Variants in ZNF503 observed in about 807,000 individuals in gnomAD.
ZNF503 encodes NocA-like zinc finger 2.
In ZNF503, 15 loss-of-function variants were observed where a neutral mutation model predicts 34.4. That is an observed-to-expected ratio of 0.44 (90% CI 0.29 to 0.67). The LOEUF (loss-of-function observed/expected upper bound fraction) is 0.67. Among genes scored for constraint, ZNF503 ranks in the 30% least tolerant of loss-of-function variants. The pLI is 0.13. For missense variants in ZNF503, 1,007 were observed against 926.8 expected (o/e 1.09, Z -1.12); for synonymous variants, 580 against 456.8 (o/e 1.27, Z -3.44).
chr10:75,332,629 G>A, the ZNF503 span, among the ~76,000 whole-genome samples: 16 of 145,278 alleles, frequency 1.1e-4, no homozygotes, highest in African/African-American at 3.1e-4. Flanking sequence ...GCGGCCTTCC[G>A]CAGTGTTTGT....
At chr10:75,397,675 A>T (rs192555751), downstream of ZNF503, among the ~76,000 whole-genome samples, 2 of 152,372 alleles carry the variant, frequency 1.3e-5, no homozygotes, top group African/African-American at 4.8e-5. Context: ...CGCGGCTGGT[A>T]GCCCCTTCCG....
the ZNF503 span, among the ~76,000 whole-genome samples, chr10:75,300,121 C>T: frequency 6.6e-6 from 1 of 152,148 alleles, no homozygotes; most frequent in Non-Finnish European, 1.5e-5. Context: ...CCCAAGGGGG[C>T]CATTTTAGAG....
the ZNF503 span, among the ~76,000 whole-genome samples, chr10:75,287,856 G>A: frequency 6.6e-6 from 1 of 152,232 alleles, no homozygotes; most frequent in Non-Finnish European, 1.5e-5. Context: ...CCTCAGGAAG[G>A]ACTCCAGTTG....
At chr10:75,395,400 G>T (rs1179319742), downstream of ZNF503, among the ~76,000 whole-genome samples, 1 of 152,226 alleles carries the variant, frequency 6.6e-6, no homozygotes, top group Non-Finnish European at 1.5e-5. The surrounding 1 kb of genome is among the most constrained non-coding windows in gnomAD (Gnocchi z 4.4). Flanking sequence ...AAGTGGAAGC[G>T]CGGGGCCTCG....
the ZNF503 span, among the ~76,000 whole-genome samples, chr10:75,327,419 T>C: frequency 0.25 from 37,926 of 152,204 alleles, 5,750 homozygotes; most frequent in African/African-American, 0.42. Flanking sequence ...CGTGTTGCCA[T>C]GAAAAACAGG....
downstream of ZNF503, among the ~76,000 whole-genome samples, chr10:75,397,086 G>C (rs984451375): frequency 6.6e-6 from 1 of 152,144 alleles, no homozygotes; most frequent in Non-Finnish European, 1.5e-5. Flanking sequence ...CCGGGTCCTG[G>C]CCGGGCGGGC....
chr10:75,362,252 G>T, the ZNF503 span, among the ~76,000 whole-genome samples: 1 of 151,884 alleles, frequency 6.6e-6, no homozygotes, highest in Admixed American at 6.6e-5. Context: ...TGCAGCTCTG[G>T]TTAGGGGTGG....
the ZNF503 span, among the ~76,000 whole-genome samples, chr10:75,354,884 C>T: frequency 1.3e-5 from 2 of 152,120 alleles, no homozygotes; most frequent in Admixed American, 6.5e-5. Flanking sequence ...CTCACTCTAT[C>T]GCCCAGGCTG....
the ZNF503 span, among the ~76,000 whole-genome samples, chr10:75,349,738 C>A: frequency 6.6e-6 from 1 of 152,224 alleles, no homozygotes; most frequent in Non-Finnish European, 1.5e-5. Flanking sequence ...TGCCTGGAGG[C>A]AGGGCCTCCA....
the ZNF503 span, among the ~76,000 whole-genome samples, chr10:75,312,598 T>C: frequency 6.6e-6 from 1 of 152,200 alleles, no homozygotes; most frequent in Non-Finnish European, 1.5e-5. Context: ...TCCATCACTA[T>C]TTGTTGAAAG....
At chr10:75,323,603 C>T in the ZNF503 span, among the ~76,000 whole-genome samples, 1 of 152,158 alleles carries the variant, frequency 6.6e-6, no homozygotes, top group African/African-American at 2.4e-5. Flanking sequence ...TTTTAATTTG[C>T]ATGTCCCTAA....
At chr10:75,334,470 A>C in the ZNF503 span, among the ~76,000 whole-genome samples, 1 of 152,096 alleles carries the variant, frequency 6.6e-6, no homozygotes, top group Non-Finnish European at 1.5e-5. Context: ...ATAATTTCTT[A>C]TTAAATGCTG....
At chr10:75,287,866 G>A in the ZNF503 span, among the ~76,000 whole-genome samples, 1 of 152,230 alleles carries the variant, frequency 6.6e-6, no homozygotes, top group African/African-American at 2.4e-5. Flanking sequence ...GACTCCAGTT[G>A]TCCAAGTTGG....
the ZNF503 span, among the ~76,000 whole-genome samples, chr10:75,384,261 G>A: frequency 6.6e-6 from 1 of 151,760 alleles, no homozygotes; most frequent in South Asian, 2.1e-4. Flanking sequence ...ACACACATGC[G>A]CATACACACA....
At chr10:75,370,778 C>CAAAAAAAAAAAAAAAAA in the ZNF503 span, among the ~76,000 whole-genome samples, 5 of 67,974 alleles carry the variant, frequency 7.4e-5, 1 homozygote, top group African/African-American at 1.8e-4. Context: ...GGCTCCATCT[C>CAAAAAAAAAAAAAAAAA]AAAAAAAAAA....
At chr10:75,329,331 T>C in the ZNF503 span, among the ~76,000 whole-genome samples, 1 of 152,102 alleles carries the variant, frequency 6.6e-6, no homozygotes, top group Non-Finnish European at 1.5e-5. Flanking sequence ...AGGGTTTTTT[T>C]TTCTTTTTTC....
Position 75,399,892 on chromosome 10 carries a change from G to A in ZNF503, c.798C>T (p.Gly266=), listed in dbSNP as rs761816994. 8 of 1,602,276 alleles carry A rather than the reference G, an allele frequency of 5.0e-6. No individual in the cohort carries two copies. The South Asian group carries it at 8.9e-5, about 18-fold the overall frequency. The change falls in exon 2 of 2, where the codon GGC becomes GGT. Residue 266 remains glycine, a synonymous_variant. Transcript: ENST00000372524. ...KDTDVGGGGK[G]TGGASAEGGP... is the part of the protein sequence containing the mutation. ...CCCCTTCGGCCGAGGCGCCCCCGGT[G>A]CCCTTGCCACCGCCGCCCACGTCGG...
At chr10:75,317,143 T>G in the ZNF503 span, among the ~76,000 whole-genome samples, 3 of 151,748 alleles carry the variant, frequency 2.0e-5, no homozygotes, top group Non-Finnish European at 4.4e-5. Context: ...AGTTTCGCCA[T>G]GCTGGCCAGG....
At chr10:75,318,914 TCTTC>T in the ZNF503 span, among the ~76,000 whole-genome samples, 1 of 151,418 alleles carries the variant, frequency 6.6e-6, no homozygotes, top group East Asian at 1.9e-4. Flanking sequence ...TTCCTCCCTT[TCTTC>T]CTTCCTTCTT....
Sources: gnomAD v4.1 joint callset for allele counts (sites outside exome capture counted in the v4.1 genomes callset) on GRCh38, gnomAD v4.1.1 for gene constraint, Gnocchi (gnomAD v3.1) non-coding constraint, MANE v1.5 for transcripts, NCBI Gene and HGNC (gene_info 2026-07-23, HGNC 2026-07-21) for gene names.